MAP3K3: variants seen among roughly 807,000 people sequenced by gnomAD.
MAP3K3 encodes the protein MAP/ERK kinase kinase 3.
In MAP3K3, 12 loss-of-function variants were observed where a neutral mutation model predicts 80.9. That is an observed-to-expected ratio of 0.15 (90% confidence interval 0.10 to 0.24). MAP3K3 has a LOEUF of 0.24. MAP3K3 is among the 10% of genes least tolerant of loss of function. The probability of loss-of-function intolerance (pLI) is 1.00; values close to 1 mark genes in which losing one functional copy is unlikely to be tolerated. For synonymous variants in MAP3K3, 272 were observed against 307.1 expected, an observed-to-expected ratio of 0.89 and a Z score of 1.19; for missense variants, 596 against 834.7, an observed-to-expected ratio of 0.71 and a Z score of 3.52.
chr17:63,667,854 G>A (rs1230865773), intron 6 of MAP3K3, among the ~76,000 whole-genome samples: 1 of 152,120 alleles, frequency 6.6e-6, no homozygotes, highest in African/African-American at 2.4e-5. Context: ...GAGATATGGA[G>A]GGCCAACTAT....
chr17:63,690,226 T>C (rs755591193), intron 11 of MAP3K3, 38 bp from the exon 12 acceptor site: 19 of 1,598,344 alleles, frequency 1.2e-5, no homozygotes, highest in Non-Finnish European at 1.4e-5. Flanking sequence ...TCATAAATAA[T>C]GTACACAAAG....
Position 63,622,733 on chromosome 17 carries a change from T to C in MAP3K3, c.-27T>C. On this transcript the variant is annotated 5_prime_UTR_variant, in exon 1 of 16. Transcript: ENST00000361733. Reference sequence around the variant, plus strand: ...GCTGCGGAGGTGACACTCACGGACCTTAGCCACCGCCGCCGCCATCGCCAC... The same window carrying C: ...GCTGCGGAGGTGACACTCACGGACCCTAGCCACCGCCGCCGCCATCGCCAC... 1 of 512,134 alleles carries C rather than the reference T, an allele frequency of 2.0e-6. No individual in the cohort carries two copies. The highest frequency in any genetic ancestry group is 3.8e-6 in the Non-Finnish European group (1 of 265,984). The allele number at this position is 512,134 out of a possible 1,614,324, so 31.7% of individuals were successfully genotyped here.
chr17:63,690,093 C>T (rs927371424), intron 11 of MAP3K3, 171 bp from the exon 12 acceptor site: 20 of 713,562 alleles, frequency 2.8e-5, no homozygotes, highest in Non-Finnish European at 3.9e-5. Context: ...ACTTCAGGTC[C>T]GAGTGACTAG....
intron 6 of MAP3K3, among the ~76,000 whole-genome samples, chr17:63,679,993 TG>T (rs2035297859): frequency 6.6e-6 from 1 of 152,182 alleles, no homozygotes; most frequent in Admixed American, 6.5e-5. Context: ...AAGACTAGCC[TG>T]GGCAACAGAG....
At chr17:63,629,183 C>T (rs920210623) in intron 1 of MAP3K3, among the ~76,000 whole-genome samples, 4 of 151,604 alleles carry the variant, frequency 2.6e-5, no homozygotes, top group Admixed American at 6.6e-5. Context: ...AGTTCAGTAG[C>T]GCTATCTCAG....
At chr17:63,626,010 C>G (rs1008586425) in intron 1 of MAP3K3, among the ~76,000 whole-genome samples, 7 of 152,142 alleles carry the variant, frequency 4.6e-5, no homozygotes, top group African/African-American at 1.7e-4. Context: ...GAGGTTGAGG[C>G]TGCAGTGAAC....
At position 63,688,539 on chromosome 17, in the gene MAP3K3, G is replaced by A. The variant is rs2035510950; in HGVS notation, c.723G>A (p.Arg241=). 18 of 1,614,128 alleles carry A rather than the reference G, an allele frequency of 1.1e-5. No homozygotes were observed. Among genetic ancestry groups the A allele is most frequent in the Non-Finnish European group, 1.5e-5 (18 of 1,179,990 alleles). ...LDRSADSPSF[R]KSRMSRAQSF... ...TTGTTTTCTCCAGCCCATCCTTCCGGAAATCACGAATGTCCCGTGCCCAGA... is the reference window on the plus strand; with the variant it reads ...TTGTTTTCTCCAGCCCATCCTTCCGAAAATCACGAATGTCCCGTGCCCAGA... Residue 241 remains arginine, a synonymous_variant, in exon 9 of 16, where the codon CGG becomes CGA. Transcript: ENST00000361733.
Position 63,693,469 on chromosome 17 carries a change from C to A in MAP3K3, c.1653-80C>A. 7.9e-7 allele frequency: 1 copy of A among 1,264,616 alleles called. No individual in the cohort carries two copies. Among genetic ancestry groups the A allele is most frequent in the Non-Finnish European group, 1.1e-6 (1 of 898,756 alleles). The allele number at this position is 1,264,616 out of a possible 1,614,324, so 78.3% of individuals were successfully genotyped here. On this transcript the variant is annotated intron_variant, in intron 15 of 15. Transcript: ENST00000361733. This position sits in a 1 kb window ranked among gnomAD's most constrained non-coding sequence, Gnocchi z 4.2. ...GCACCTCAGCTTGCTGTGAGAAAGG[C>A]GCCTCTTTCTGCAGTGGTGGGCAGG... is the stretch of plus-strand genomic sequence containing the variant.
chr17:63,691,512 G>A lies in MAP3K3; in HGVS notation c.1345-221G>A, dbSNP rs955660421. ...GTAAATGCAGCCTTCATCTGGAGCA[G>A]AGAGGCCTCCCTGCTCCTGGATTTG... On this transcript the variant is annotated intron_variant, in intron 13 of 15. Coordinates refer to ENST00000361733, the MANE Select transcript of MAP3K3 (RefSeq NM_002401.5). This position sits in a 1 kb window ranked among gnomAD's most constrained non-coding sequence, Gnocchi z 4.8. Among the ~76,000 whole-genome samples, 6 of 152,210 alleles carry A rather than the reference G, an allele frequency of 3.9e-5. No homozygotes were observed. Among genetic ancestry groups the A allele is most frequent in the African/African-American group, 1.4e-4 (6 of 41,472 alleles).
chr17:63,651,228 A>G (rs2034649143), intron 3 of MAP3K3, among the ~76,000 whole-genome samples: 1 of 152,140 alleles, frequency 6.6e-6, no homozygotes, highest in Non-Finnish European at 1.5e-5. Context: ...TTACACCTAT[A>G]ATACCAGCAC....
intron 6 of MAP3K3, among the ~76,000 whole-genome samples, chr17:63,670,238 G>A (rs1352086226): frequency 6.6e-6 from 1 of 152,034 alleles, no homozygotes; most frequent in Admixed American, 6.6e-5. Flanking sequence ...TGTGATTAAT[G>A]TATAATTACA....
intron 2 of MAP3K3, among the ~76,000 whole-genome samples, chr17:63,638,581 G>C (rs1245665411): frequency 6.6e-6 from 1 of 152,188 alleles, no homozygotes; most frequent in South Asian, 2.1e-4. Context: ...AGCCCGCACT[G>C]TCTCTCTCCT....
chr17:63,640,439 G>T (rs978040521), intron 2 of MAP3K3, among the ~76,000 whole-genome samples: 2 of 152,088 alleles, frequency 1.3e-5, no homozygotes, highest in African/African-American at 2.4e-5. Context: ...ATTTTTGCAG[G>T]TCCATAATCT....
intron 5 of MAP3K3, among the ~76,000 whole-genome samples, chr17:63,663,117 C>G (rs1385557821): frequency 2.0e-5 from 3 of 152,166 alleles, no homozygotes; most frequent in African/African-American, 7.2e-5. Context: ...ATTCTGTTCC[C>G]TGCAGCTTTG....
chr17:63,639,861 A>G (rs1373061047), intron 2 of MAP3K3, among the ~76,000 whole-genome samples: 2 of 152,150 alleles, frequency 1.3e-5, no homozygotes, highest in Non-Finnish European at 1.5e-5. Flanking sequence ...GTGTTGCTTT[A>G]TATCTTATTT....
intron 2 of MAP3K3, chr17:63,637,192 C>CAAA (rs796796374): frequency 1.0e-4 from 8 of 77,886 alleles, no homozygotes; most frequent in African/African-American, 1.5e-4. Flanking sequence ...TGAGACCAAC[C>CAAA]AAAAAAAAAA....
intron 7 of MAP3K3, among the ~76,000 whole-genome samples, chr17:63,684,553 T>C (rs1251657378): frequency 1.3e-5 from 2 of 152,196 alleles, no homozygotes; most frequent in Non-Finnish European, 2.9e-5. Flanking sequence ...ACCCTGGTAT[T>C]AAATGGGAAA....
intron 8 of MAP3K3, among the ~76,000 whole-genome samples, chr17:63,685,855 A>G (rs1242583443): frequency 1.3e-5 from 2 of 152,258 alleles, no homozygotes; most frequent in Non-Finnish European, 2.9e-5. Flanking sequence ...TCCATATAAT[A>G]TATGCCGCTC....
chr17:63,645,869 C>G (rs1255764120), intron 2 of MAP3K3, among the ~76,000 whole-genome samples, 165 bp from the exon 3 acceptor site: 2 of 152,162 alleles, frequency 1.3e-5, no homozygotes, highest in African/African-American at 2.4e-5. Flanking sequence ...AGTTTTAACT[C>G]ATTGGAAAGG....
Sources: gnomAD v4.1 joint callset for allele counts (sites outside exome capture counted in the v4.1 genomes callset) on GRCh38, gnomAD v4.1.1 for gene constraint, Gnocchi (gnomAD v3.1) non-coding constraint, MANE v1.5 for transcripts, NCBI Gene and HGNC (gene_info 2026-07-23, HGNC 2026-07-21) for gene names.